The following EIF3H variants were observed in gnomAD, a reference collection of about 807,000 sequenced individuals.
The protein encoded by EIF3H is eukaryotic translation initiation factor 3 subunit H, also known as eIF-3-gamma.
A neutral mutation model predicts 44.2 loss-of-function variants in EIF3H; 26 were observed. The observed-to-expected ratio is 0.59, with a 90% CI of 0.43 to 0.82. The LOEUF (loss-of-function observed/expected upper bound fraction) is 0.82. Among genes scored for constraint, EIF3H ranks in the 40% least tolerant of loss-of-function variants. EIF3H has a pLI of 0.00. For synonymous variants in EIF3H, 166 were observed against 151.9 expected, an observed-to-expected ratio of 1.09 and a Z score of -0.68; for missense variants, 359 against 432.8, an observed-to-expected ratio of 0.83 and a Z score of 1.51.
At chr8:116,669,922 A>G (rs976307909) in intron 2 of EIF3H, among the ~76,000 whole-genome samples, 1 of 152,130 alleles carries the variant, frequency 6.6e-6, no homozygotes, top group Non-Finnish European at 1.5e-5. Context: ...TGCTTCTACC[A>G]AACACTTTTC....
intron 2 of EIF3H, 23 bp downstream of exon 2, chr8:116,725,993 A>T: frequency 1.2e-6 from 2 of 1,607,124 alleles, no homozygotes; most frequent in South Asian, 2.2e-5. Flanking sequence ...CTGCAAAGAC[A>T]CACTTGTGAT....
chr8:116,708,416 C>T (rs1814509176), intron 2 of EIF3H, among the ~76,000 whole-genome samples: 1 of 151,928 alleles, frequency 6.6e-6, no homozygotes, highest in African/African-American at 2.4e-5. Flanking sequence ...ACAAAGCAGT[C>T]ACTTAAATAC....
intron 1 of EIF3H, among the ~76,000 whole-genome samples, chr8:116,733,016 C>T (rs886067001): frequency 3.9e-5 from 6 of 152,168 alleles, no homozygotes; most frequent in Non-Finnish European, 8.8e-5. Flanking sequence ...GATGCCAATC[C>T]CAAATCCAGG....
intron 1 of EIF3H, among the ~76,000 whole-genome samples, chr8:116,748,031 A>G (rs1200982696): frequency 6.6e-6 from 1 of 152,088 alleles, no homozygotes; most frequent in East Asian, 1.9e-4. Context: ...GAATCGCTTG[A>G]ACCTGGGAGG....
At chr8:116,748,244 AG>A (rs1343406475) in intron 1 of EIF3H, among the ~76,000 whole-genome samples, 1 of 152,184 alleles carries the variant, frequency 6.6e-6, no homozygotes, top group Non-Finnish European at 1.5e-5. Flanking sequence ...AATAACCATC[AG>A]GTAGGTAAGG....
chr8:116,661,708 T>C (rs1182951275), intron 2 of EIF3H, among the ~76,000 whole-genome samples: 7 of 152,210 alleles, frequency 4.6e-5, no homozygotes, highest in Admixed American at 2.0e-4. Flanking sequence ...TGTCCTCAAA[T>C]AGCCTGAATA....
chr8:116,660,225 T>C (rs1375723832), intron 2 of EIF3H, among the ~76,000 whole-genome samples: 2 of 152,226 alleles, frequency 1.3e-5, no homozygotes, highest in East Asian at 1.9e-4. Context: ...TACATGACCA[T>C]GCTGAGTAAA....
intron 1 of EIF3H, among the ~76,000 whole-genome samples, chr8:116,747,915 T>TC (rs1170623617): frequency 2.6e-5 from 4 of 152,044 alleles, no homozygotes; most frequent in Non-Finnish European, 5.9e-5. Flanking sequence ...TTCGAGACCA[T>TC]CCTGACCAAC....
intron 1 of EIF3H, among the ~76,000 whole-genome samples, chr8:116,740,829 AAAC>A (rs972274189): frequency 6.6e-6 from 1 of 152,146 alleles, no homozygotes. Context: ...CCAGAATCCA[AAAC>A]AAAGTTTGAG....
chr8:116,657,621 T>C (rs1055433178), intron 3 of EIF3H: 5 of 349,390 alleles, frequency 1.4e-5, no homozygotes, highest in African/African-American at 8.6e-5. Flanking sequence ...ATTAAATGTA[T>C]CATATGTTCT....
At chr8:116,696,139 C>T (rs1814265598) in intron 2 of EIF3H, among the ~76,000 whole-genome samples, 1 of 152,158 alleles carries the variant, frequency 6.6e-6, no homozygotes, top group Admixed American at 6.5e-5. Flanking sequence ...TTCTCTTGGA[C>T]GATCTAGGGC....
At chr8:116,653,477 C>G (rs1813432060) in intron 5 of EIF3H, among the ~76,000 whole-genome samples, 1 of 152,062 alleles carries the variant, frequency 6.6e-6, no homozygotes, top group Admixed American at 6.6e-5. Context: ...ACCAGTTTAA[C>G]TAGGATGCTG....
At chr8:116,727,451 A>C (rs1294534574) in intron 1 of EIF3H, among the ~76,000 whole-genome samples, 3 of 152,256 alleles carry the variant, frequency 2.0e-5, no homozygotes, top group African/African-American at 7.2e-5. Flanking sequence ...ATGACGCCAG[A>C]GATAAAGAAG....
At chr8:116,732,590 GA>G (rs1278992216) in intron 1 of EIF3H, among the ~76,000 whole-genome samples, 1 of 152,176 alleles carries the variant, frequency 6.6e-6, no homozygotes, top group Non-Finnish European at 1.5e-5. Context: ...AGTAACTACA[GA>G]AAGATTTGAA....
chr8:116,696,258 T>C (rs1206390550), intron 2 of EIF3H, among the ~76,000 whole-genome samples: 1 of 152,168 alleles, frequency 6.6e-6, no homozygotes, highest in Non-Finnish European at 1.5e-5. Context: ...GATGGAAACA[T>C]TGCAAAAGGG....
At chr8:116,751,413 A>G (rs1042727023) in intron 1 of EIF3H, among the ~76,000 whole-genome samples, 11 of 152,336 alleles carry the variant, frequency 7.2e-5, no homozygotes, top group African/African-American at 2.4e-4. Context: ...AAAACAGGTG[A>G]AAAAGCATAG....
rs1815376788 is a variant in EIF3H, at chr8:116,752,770, AGGGAGGGAGGGAGGGAG to A, written c.132+2879_132+2895del. Among the ~76,000 whole-genome samples, 6 of 37,896 alleles carry A rather than the reference AGGGAGGGAGGGAGGGAG, an allele frequency of 1.6e-4. No individual in the cohort carries two copies. The South Asian group carries it at 5.0e-3, about 32-fold the overall frequency. The allele number at this position is 37,896 out of a possible 152,430, so 24.9% of individuals were successfully genotyped here. On this transcript the variant is annotated intron_variant, in intron 1 of 7. Transcript: ENST00000521861. ...GAAAGAAAGAGGGAGGGAGGGAGGG[AGGGAGGGAGGGAGGGAG>A]GGAGGGAGGGAAGGAAGGAAGGAAG... is the stretch of plus-strand genomic sequence containing the variant.
intron 2 of EIF3H, among the ~76,000 whole-genome samples, chr8:116,669,529 A>G (rs1291511655): frequency 6.6e-6 from 1 of 152,216 alleles, no homozygotes; most frequent in Non-Finnish European, 1.5e-5. Context: ...CCAAGTGAAT[A>G]GCTAAAGTAG....
At position 116,751,217 on chromosome 8, in the gene EIF3H, A is replaced by AAAAAAAAAAT. The variant is rs1554603733; in HGVS notation, c.132+4448_132+4449insATTTTTTTTT. 5.4e-5 allele frequency among the ~76,000 whole-genome samples: 8 copies of AAAAAAAAAAT among 147,212 alleles called. No individual in the cohort carries two copies. The East Asian group carries it at 1.6e-3, about 29-fold the overall frequency. On this transcript the variant is annotated intron_variant, in intron 1 of 7. Coordinates refer to ENST00000521861, the MANE Select transcript of EIF3H (RefSeq NM_003756.3). ...ACAGAGCGAGACTCCGTCTCAAAAA[A>AAAAAAAAAAT]AAAATAAAATAAAATAAAATAAAAT...
Sources: gnomAD v4.1 joint callset for allele counts (sites outside exome capture counted in the v4.1 genomes callset) on GRCh38, gnomAD v4.1.1 for gene constraint, MANE v1.5 for transcripts, NCBI Gene and HGNC (gene_info 2026-07-23, HGNC 2026-07-21) for gene names.